Variants in RNF212B observed in about 807,000 individuals in gnomAD.
RNF212B encodes E3 ubiquitin-protein ligase RNF212B.
RNF212B carries 52 observed loss-of-function variants against 55.5 expected under a neutral mutation model. The ratio of observed to expected loss-of-function variants is 0.94; its 90% CI spans 0.75 to 1.18. RNF212B has a LOEUF of 1.18. Ranked by LOEUF, RNF212B falls within the 50% of genes most tolerant of loss-of-function variation. RNF212B has a pLI of 0.00. For missense variants in RNF212B, 289 were observed against 350.4 expected, an observed-to-expected ratio of 0.82 and a Z score of 1.40; for synonymous variants, 99 against 121.4, an observed-to-expected ratio of 0.82 and a Z score of 1.21.
At chr14:23,198,630 C>T (rs1031891895) in intron 2 of RNF212B, among the ~76,000 whole-genome samples, 2 of 150,624 alleles carry the variant, frequency 1.3e-5, no homozygotes, top group Admixed American at 6.6e-5. Flanking sequence ...GAGCCGAGAT[C>T]GCGCCATGGC....
At chr14:23,192,808 A>G (rs1410747915) in intron 1 of RNF212B, among the ~76,000 whole-genome samples, 1 of 152,076 alleles carries the variant, frequency 6.6e-6, no homozygotes, top group South Asian at 2.1e-4. Context: ...ATATAGCTTT[A>G]TGGCCAGGTG....
intron 4 of RNF212B, among the ~76,000 whole-genome samples, chr14:23,253,866 G>C (rs1236105026): frequency 6.6e-6 from 1 of 152,208 alleles, no homozygotes; most frequent in African/African-American, 2.4e-5. Flanking sequence ...AAGAGATCGT[G>C]AATTTACCAA....
chr14:23,268,014 G>C (rs972821685), intron 11 of RNF212B, among the ~76,000 whole-genome samples: 1 of 152,098 alleles, frequency 6.6e-6, no homozygotes, highest in Admixed American at 6.6e-5. Context: ...CATGCTTTTT[G>C]GTTAGCCTTT....
chr14:23,214,437 T>C (rs750528223), intron 2 of RNF212B, among the ~76,000 whole-genome samples: 17 of 152,084 alleles, frequency 1.1e-4, no homozygotes, highest in Non-Finnish European at 2.4e-4. Context: ...GAGGTTGCGG[T>C]GAGCCCAAAT....
chr14:23,225,923 A>G (rs1881960421), intron 2 of RNF212B, among the ~76,000 whole-genome samples: 1 of 152,204 alleles, frequency 6.6e-6, no homozygotes, highest in African/African-American at 2.4e-5. Context: ...TCATTGCACT[A>G]TTACACATTG....
At chr14:23,205,721 C>T (rs1269529141) in intron 2 of RNF212B, among the ~76,000 whole-genome samples, 1 of 152,194 alleles carries the variant, frequency 6.6e-6, no homozygotes, top group Non-Finnish European at 1.5e-5. Flanking sequence ...AACAAACCTC[C>T]TTACTGTCTG....
At chr14:23,219,547 C>G (rs1881379622) in intron 2 of RNF212B, among the ~76,000 whole-genome samples, 2 of 151,844 alleles carry the variant, frequency 1.3e-5, no homozygotes, top group South Asian at 4.2e-4. Flanking sequence ...TCTCGGCTCA[C>G]TGCAACCTCT....
intron 2 of RNF212B, among the ~76,000 whole-genome samples, chr14:23,210,472 A>T (rs1251585059): frequency 6.6e-6 from 1 of 152,176 alleles, no homozygotes; most frequent in Non-Finnish European, 1.5e-5. Flanking sequence ...AGTTTTGACA[A>T]ATATCACATA....
At chr14:23,233,558 T>A (rs1882877438), upstream of RNF212B, among the ~76,000 whole-genome samples, 1 of 100,216 alleles carries the variant, frequency 1.0e-5, no homozygotes, top group African/African-American at 4.6e-5. Flanking sequence ...AAACCCCATC[T>A]CTACAAAAAA....
intron 2 of RNF212B, among the ~76,000 whole-genome samples, chr14:23,220,182 C>T (rs1030448167): frequency 1.4e-5 from 2 of 144,908 alleles, no homozygotes; most frequent in African/African-American, 2.6e-5. Flanking sequence ...AAAACTGTCT[C>T]GGGAAAAACA....
intron 2 of RNF212B, among the ~76,000 whole-genome samples, chr14:23,194,464 G>A (rs1285213272): frequency 2.0e-5 from 3 of 152,050 alleles, no homozygotes; most frequent in African/African-American, 4.8e-5. Flanking sequence ...TCAGCCAGGC[G>A]CAGTGACACA....
intron 4 of RNF212B, among the ~76,000 whole-genome samples, chr14:23,251,816 A>G (rs1018868198): frequency 1.3e-5 from 2 of 150,128 alleles, no homozygotes; most frequent in Non-Finnish European, 3.0e-5. Flanking sequence ...CTCTGTCTCA[A>G]AAAAAAAAAG....
chr14:23,258,530 G>C lies in RNF212B; in HGVS notation c.229-19G>C, dbSNP rs2140468405. On this transcript the variant is annotated intron_variant, in intron 4 of 14. Coordinates refer to ENST00000430154, the MANE Select transcript of RNF212B (RefSeq NM_001282322.3). ...GGAGTTATGGGAGAGTATGTCAAAGGCTTGTTTTTCCCTAGTAGGTGTGGA... is the reference window on the plus strand; with the variant it reads ...GGAGTTATGGGAGAGTATGTCAAAGCCTTGTTTTTCCCTAGTAGGTGTGGA... 1.6e-6 allele frequency: 2 copies of C among 1,284,406 alleles called. No homozygotes were observed. The highest frequency in any genetic ancestry group is 2.6e-5 in the East Asian group (1 of 38,670). 79.6% of individuals were successfully genotyped at this position (1,284,406 alleles called of 1,614,324 possible).
At chr14:23,264,097 A>G in intron 9 of RNF212B, 77 bp from the exon 10 acceptor site, 5 of 1,285,800 alleles carry the variant, frequency 3.9e-6, no homozygotes, top group Non-Finnish European at 5.4e-6. Context: ...GAAAAAAACC[A>G]AAACAAAAAA....
intron 1 of RNF212B, 139 bp from the exon 2 acceptor site, chr14:23,240,206 C>G (rs1481614956): frequency 3.3e-6 from 2 of 598,474 alleles, no homozygotes; most frequent in Non-Finnish European, 5.9e-6. Context: ...TCTTTACAAC[C>G]AATTGGAATA....
At chr14:23,203,800 C>T (rs1229008850) in intron 2 of RNF212B, among the ~76,000 whole-genome samples, 1 of 152,174 alleles carries the variant, frequency 6.6e-6, no homozygotes, top group Admixed American at 6.5e-5. Context: ...TTTAAGGAAT[C>T]TCCACACTGT....
At chr14:23,238,737 AAATAATAATAATAATAATAATAAT>A (rs34688858) in intron 1 of RNF212B, among the ~76,000 whole-genome samples, 1 of 136,256 alleles carries the variant, frequency 7.3e-6, no homozygotes, top group East Asian at 2.2e-4. Flanking sequence ...CCCTGTCTCA[AAATAATAATAATAATAATAATAAT>A]AATAATAATA....
chr14:23,210,413 A>T (rs1317428467), intron 2 of RNF212B, among the ~76,000 whole-genome samples: 8 of 152,232 alleles, frequency 5.3e-5, no homozygotes, highest in Non-Finnish European at 1.2e-4. Context: ...ATGAGATTTG[A>T]ACAAAGTCTG....
chr14:23,249,680 G>A (rs990373976), intron 4 of RNF212B, among the ~76,000 whole-genome samples: 13 of 152,190 alleles, frequency 8.5e-5, no homozygotes, highest in Admixed American at 1.3e-4. Context: ...AGGGGATTGA[G>A]GAACCTTAGG....
Sources: allele counts gnomAD v4.1 joint callset (sites outside exome capture counted in the v4.1 genomes callset), GRCh38; gene constraint gnomAD v4.1.1; transcripts MANE v1.5; gene names NCBI Gene and HGNC (gene_info 2026-07-23, HGNC 2026-07-21).